SH2D4A: variants seen among roughly 807,000 people sequenced by gnomAD.
The protein encoded by SH2D4A is SH2 domain containing 4A.
A neutral mutation model predicts 64.7 loss-of-function variants in SH2D4A; 70 were observed. The ratio of observed to expected loss-of-function variants is 1.08; its 90% CI spans 0.89 to 1.32. The LOEUF (loss-of-function observed/expected upper bound fraction) is 1.32, where lower values mean the gene tolerates loss of function less well. SH2D4A is among the 40% of genes most tolerant of loss of function. SH2D4A has a pLI of 0.00. For missense variants in SH2D4A, 706 were observed against 540.1 expected (o/e 1.31, Z -3.04); for synonymous variants, 268 against 200.7 (o/e 1.34, Z -2.83).
At chr8:19,363,540 G>T (rs576595833) in intron 6 of SH2D4A, among the ~76,000 whole-genome samples, 2 of 152,256 alleles carry the variant, frequency 1.3e-5, no homozygotes, top group East Asian at 3.9e-4. Flanking sequence ...ATTACCTGTG[G>T]TTAAGCATCC....
chr8:19,348,191 G>A (rs550359079), intron 4 of SH2D4A, among the ~76,000 whole-genome samples: 1 of 152,162 alleles, frequency 6.6e-6, no homozygotes, highest in Non-Finnish European at 1.5e-5. Flanking sequence ...AAACCCCTGG[G>A]CTCAGGTGAT....
At chr8:19,355,671 A>C (rs766922329) in intron 4 of SH2D4A, among the ~76,000 whole-genome samples, 21 of 152,180 alleles carry the variant, frequency 1.4e-4, no homozygotes, top group Non-Finnish European at 2.1e-4. Context: ...CCTCATCTGA[A>C]AATTGCCCAT....
At chr8:19,346,641 C>T (rs1006712861) in intron 4 of SH2D4A, among the ~76,000 whole-genome samples, 8 of 152,154 alleles carry the variant, frequency 5.3e-5, no homozygotes, top group African/African-American at 1.2e-4. Flanking sequence ...CAAAATCAGT[C>T]GCCGATGCCA....
At chr8:19,325,059 T>C (rs1477655499) in intron 2 of SH2D4A, among the ~76,000 whole-genome samples, 1 of 152,072 alleles carries the variant, frequency 6.6e-6, no homozygotes, top group East Asian at 1.9e-4. Flanking sequence ...CAAAACCCAA[T>C]TCACCAGCAT....
chr8:19,373,881 G>A (rs2053152603), intron 8 of SH2D4A, among the ~76,000 whole-genome samples: 1 of 152,112 alleles, frequency 6.6e-6, no homozygotes, highest in Admixed American at 6.6e-5. Context: ...TGCACTGTGG[G>A]GCAGACTTAT....
intron 1 of SH2D4A, among the ~76,000 whole-genome samples, chr8:19,315,475 A>G (rs562060692): frequency 3.9e-5 from 6 of 152,286 alleles, no homozygotes; most frequent in Non-Finnish European, 8.8e-5. Flanking sequence ...GCCTTTTAAA[A>G]TTGTATTTTG....
chr8:19,337,636 C>CATGT (rs2052464226), intron 4 of SH2D4A, among the ~76,000 whole-genome samples: 1 of 152,174 alleles, frequency 6.6e-6, no homozygotes, highest in Admixed American at 6.5e-5. Context: ...AATGGACTTA[C>CATGT]AGTTCCATGT....
In SH2D4A at chr8:19,395,400, C is replaced by T. The variant is rs1221400851; in HGVS notation, c.*758C>T. The T allele has an allele frequency of 6.6e-6, 1 of 152,110 alleles. No individual in the cohort carries two copies. Among genetic ancestry groups the T allele is most frequent in the Non-Finnish European group, 1.5e-5 (1 of 68,040 alleles). 9.4% of individuals were successfully genotyped at this position (152,110 alleles called of 1,614,324 possible). ...CTTAGACAAGAACAGAATAAGCAGG[C>T]TGTTTGGATGCTACTTGTGGTTGAA... On this transcript the variant is annotated 3_prime_UTR_variant, in exon 10 of 10. Transcript: ENST00000265807.
At chr8:19,358,947 C>T (rs1186791457) in intron 5 of SH2D4A, among the ~76,000 whole-genome samples, 1 of 152,208 alleles carries the variant, frequency 6.6e-6, no homozygotes, top group Non-Finnish European at 1.5e-5. Context: ...CTCGGCCCCT[C>T]CGCCCCTCCA....
chr8:19,316,458 G>A (rs1469943086), intron 1 of SH2D4A, among the ~76,000 whole-genome samples: 1 of 152,204 alleles, frequency 6.6e-6, no homozygotes, highest in Non-Finnish European at 1.5e-5. Context: ...ATGACTAAGT[G>A]CAAGGGGAAA....
At chr8:19,363,832 C>A (rs536979357) in intron 6 of SH2D4A, 1 of 535,014 alleles carries the variant, frequency 1.9e-6, no homozygotes, top group South Asian at 2.4e-5. Context: ...TCTTCCTCCT[C>A]TTCCTTTTCT....
At chr8:19,323,317 G>A (rs2052222636) in intron 2 of SH2D4A, among the ~76,000 whole-genome samples, 1 of 151,818 alleles carries the variant, frequency 6.6e-6, no homozygotes, top group Admixed American at 6.6e-5. Context: ...CCTTATATAT[G>A]GAACTGATGA....
Position 19,364,282 on chromosome 8 carries a change from G to T in SH2D4A, c.917G>T (p.Arg306Ile). ...GGGGCATATCCTCAAAAACCTCTTA[G>T]GTAAGAAGCCACACAGATGGGTTTA... ...NSGAYPQKPL[R>I]NQGVVRTLSS... Residue 306 changes from arginine (R) to isoleucine (I), a missense_variant and splice_region_variant, in exon 7 of 10, where the codon AGA becomes ATA. Physicochemically the swap from Arg to Ile is moderately conservative, Grantham distance 97 (BLOSUM62 -3). Coordinates refer to ENST00000265807, the MANE Select transcript of SH2D4A (RefSeq NM_022071.4). The T allele has an allele frequency of 6.2e-7, 1 of 1,613,986 alleles. No homozygotes were observed. The highest frequency in any genetic ancestry group is 1.1e-5 in the South Asian group (1 of 91,082).
At chr8:19,383,471 T>C (rs1291928897) in intron 8 of SH2D4A, among the ~76,000 whole-genome samples, 1 of 151,996 alleles carries the variant, frequency 6.6e-6, no homozygotes, top group African/African-American at 2.4e-5. Context: ...AGATCTGTCA[T>C]TGGGTCTTTT....
intron 2 of SH2D4A, 95 bp downstream of exon 2, chr8:19,319,823 A>G (rs2052157342): frequency 6.8e-6 from 9 of 1,331,668 alleles, no homozygotes; most frequent in Non-Finnish European, 9.0e-6. Context: ...AAGCAGGTGC[A>G]AGTTCCAGTT....
In SH2D4A at chr8:19,396,009, C is replaced by T. The variant is rs2053584105; in HGVS notation, c.*1367C>T. 6.6e-6 allele frequency: 1 copy of T among 152,130 alleles called. No individual in the cohort carries two copies. The highest frequency in any genetic ancestry group is 6.6e-5 in the Admixed American group (1 of 15,262). 9.4% of individuals were successfully genotyped at this position (152,130 alleles called of 1,614,324 possible). A position where few individuals can be genotyped will look rare whatever the true frequency, so the allele number is the denominator to read the frequency against. On this transcript the variant is annotated 3_prime_UTR_variant, in exon 10 of 10. Coordinates refer to ENST00000265807, the MANE Select transcript of SH2D4A (RefSeq NM_022071.4). The stretch of plus-strand genomic sequence containing the variant: ...GTTTAGCCCTGGCACACATATTTGT[C>T]CCGTCAGGAATCTTATGCCCTCCTG...
chr8:19,369,417 G>A (rs1243010018), intron 7 of SH2D4A, among the ~76,000 whole-genome samples: 2 of 152,212 alleles, frequency 1.3e-5, no homozygotes, highest in African/African-American at 2.4e-5. Flanking sequence ...ATTGGTATTA[G>A]TATTTCTTTA....
chr8:19,385,755 A>G (rs952314648), intron 8 of SH2D4A, among the ~76,000 whole-genome samples: 2 of 152,184 alleles, frequency 1.3e-5, no homozygotes, highest in Non-Finnish European at 2.9e-5. Context: ...TGCATTAAGA[A>G]GGGCTCATGG....
chr8:19,374,314 C>A (rs187652773), intron 8 of SH2D4A, among the ~76,000 whole-genome samples: 1 of 152,216 alleles, frequency 6.6e-6, no homozygotes, highest in African/African-American at 2.4e-5. Flanking sequence ...CTTCACAGGC[C>A]CCTCTGTTTC....
Sources: gnomAD v4.1 joint callset for allele counts (sites outside exome capture counted in the v4.1 genomes callset) on GRCh38, gnomAD v4.1.1 for gene constraint, MANE v1.5 for transcripts, NCBI Gene and HGNC (gene_info 2026-07-23, HGNC 2026-07-21) for gene names.